Variants in SLC24A2 observed in about 807,000 individuals in gnomAD.
The protein encoded by SLC24A2 is sodium/potassium/calcium exchanger 2.
SLC24A2 carries 36 observed loss-of-function variants against 62.0 expected under a neutral mutation model. The observed-to-expected ratio is 0.58, with a 90% CI of 0.44 to 0.77. SLC24A2 has a LOEUF of 0.77. Among genes scored for constraint, SLC24A2 ranks in the 30% least tolerant of loss-of-function variants. The pLI, the probability that SLC24A2 is intolerant of heterozygous loss-of-function variation, is 0.00. For missense variants in SLC24A2, 846 were observed against 817.9 expected, an observed-to-expected ratio of 1.03 and a Z score of -0.42; for synonymous variants, 358 against 294.0, an observed-to-expected ratio of 1.22 and a Z score of -2.23.
At chr9:20,226,490 G>T in the SLC24A2 span, among the ~76,000 whole-genome samples, 1 of 152,144 alleles carries the variant, frequency 6.6e-6, no homozygotes. Context: ...TAAAACCGTG[G>T]TTCACAACAT....
chr9:20,176,080 C>A, the SLC24A2 span, among the ~76,000 whole-genome samples: 2 of 151,980 alleles, frequency 1.3e-5, no homozygotes, highest in East Asian at 3.9e-4. Context: ...GAAACCGTAA[C>A]AACACTTGGG....
chr9:19,760,968 C>A lies in SLC24A2; in HGVS notation c.930+24969G>T, dbSNP rs540549626. On this transcript the variant is annotated intron_variant, in intron 2 of 10. Coordinates refer to ENST00000341998, the MANE Select transcript of SLC24A2 (RefSeq NM_020344.4). Reference sequence around the variant, plus strand: ...TAGGAGATACACCTCACGTAAACGACAAGTTAAGGAGTGCATCACACCAAC... The same window carrying A: ...TAGGAGATACACCTCACGTAAACGAAAAGTTAAGGAGTGCATCACACCAAC... 2.6e-5 allele frequency among the ~76,000 whole-genome samples: 4 copies of A among 152,080 alleles called. No individual in the cohort carries two copies. In the East Asian group the frequency reaches 7.8e-4, roughly 30 times the overall value.
intron 6 of SLC24A2, 107 bp from the exon 7 acceptor site, chr9:19,573,576 G>A (rs771032294): frequency 2.0e-5 from 17 of 867,062 alleles, no homozygotes; most frequent in African/African-American, 5.0e-5. Flanking sequence ...ATCAATGGGG[G>A]TAAAGAGCAA....
chr9:19,874,774 T>A, the SLC24A2 span, among the ~76,000 whole-genome samples: 2 of 152,216 alleles, frequency 1.3e-5, no homozygotes, highest in African/African-American at 4.8e-5. Context: ...TTATTGATGA[T>A]ATCTTAGCAA....
the SLC24A2 span, among the ~76,000 whole-genome samples, chr9:20,272,496 T>C: frequency 6.6e-6 from 1 of 152,144 alleles, no homozygotes; most frequent in Non-Finnish European, 1.5e-5. Context: ...ACCCTGAAGG[T>C]TGGAAGATTA....
At position 19,515,786 on chromosome 9, in the gene SLC24A2, A is replaced by C. The variant is rs1238272352; in HGVS notation, c.*367T>G. The C allele has an allele frequency of 3.2e-6, 1 of 311,274 alleles. No individual in the cohort carries two copies. The highest frequency in any genetic ancestry group is 6.3e-6 in the Non-Finnish European group (1 of 158,122). The allele number at this position is 311,274 out of a possible 1,614,324, so 19.3% of individuals were successfully genotyped here. The stretch of plus-strand genomic sequence containing the variant: ...GGAGAGGTATAGTACAGGAACAGGC[A>C]GGATTTGTGTGTTCATGTGCGTATA... On this transcript the variant is annotated 3_prime_UTR_variant, in exon 11 of 11. Transcript: ENST00000341998.
the SLC24A2 span, among the ~76,000 whole-genome samples, chr9:20,183,305 T>G: frequency 6.6e-6 from 1 of 152,212 alleles, no homozygotes; most frequent in East Asian, 1.9e-4. Flanking sequence ...TGCCCTATTT[T>G]GTATTATGGA....
chr9:19,802,161 A>G, the SLC24A2 span, among the ~76,000 whole-genome samples: 2 of 152,232 alleles, frequency 1.3e-5, no homozygotes, highest in South Asian at 4.1e-4. Context: ...CACAACATCT[A>G]AGAAATATTT....
At chr9:20,253,709 G>A in the SLC24A2 span, among the ~76,000 whole-genome samples, 6 of 152,180 alleles carry the variant, frequency 3.9e-5, no homozygotes, top group Non-Finnish European at 5.9e-5. Flanking sequence ...ACTGCTGCAC[G>A]TGAGTGATCC....
chr9:19,740,087 C>T (rs893705565), intron 2 of SLC24A2, among the ~76,000 whole-genome samples: 10 of 152,154 alleles, frequency 6.6e-5, no homozygotes, highest in African/African-American at 2.4e-4. Context: ...AAAATACAGA[C>T]AATGCCAAGT....
chr9:19,661,399 C>T (rs925133202), intron 2 of SLC24A2, among the ~76,000 whole-genome samples: 6 of 152,124 alleles, frequency 3.9e-5, no homozygotes, highest in Non-Finnish European at 5.9e-5. Flanking sequence ...AAGTCCCCAG[C>T]ATCATATCCA....
At chr9:20,064,238 G>A in the SLC24A2 span, among the ~76,000 whole-genome samples, 1 of 152,158 alleles carries the variant, frequency 6.6e-6, no homozygotes, top group Non-Finnish European at 1.5e-5. Context: ...CATACTGTAT[G>A]ATTCCATTTA....
the SLC24A2 span, among the ~76,000 whole-genome samples, chr9:20,225,088 C>G: frequency 6.6e-6 from 1 of 152,110 alleles, no homozygotes; most frequent in Non-Finnish European, 1.5e-5. Context: ...CCTCTTTCTT[C>G]CTTACAGGTT....
At chr9:19,792,803 T>C (rs949092033), upstream of SLC24A2, among the ~76,000 whole-genome samples, 6 of 145,504 alleles carry the variant, frequency 4.1e-5, no homozygotes, top group Admixed American at 2.1e-4. Flanking sequence ...TAATCATTTC[T>C]TTCTTCATTC....
intron 2 of SLC24A2, among the ~76,000 whole-genome samples, chr9:19,777,175 C>A (rs1822870608): frequency 6.6e-6 from 1 of 152,206 alleles, no homozygotes; most frequent in Admixed American, 6.5e-5. Flanking sequence ...GTCATCACAG[C>A]TAGCTTTAAA....
At chr9:19,694,079 G>T (rs2118482514) in intron 2 of SLC24A2, among the ~76,000 whole-genome samples, 2 of 142,844 alleles carry the variant, frequency 1.4e-5, no homozygotes, top group East Asian at 3.9e-4. Flanking sequence ...ATTAAAACAT[G>T]GTTAACTAGG....
the SLC24A2 span, among the ~76,000 whole-genome samples, chr9:20,220,648 G>T: frequency 1.3e-5 from 2 of 152,114 alleles, no homozygotes; most frequent in Non-Finnish European, 2.9e-5. Flanking sequence ...GCTTTCACTT[G>T]GGCAGTTGGT....
At chr9:20,187,512 C>T in the SLC24A2 span, among the ~76,000 whole-genome samples, 1 of 152,198 alleles carries the variant, frequency 6.6e-6, no homozygotes, top group South Asian at 2.1e-4. Flanking sequence ...TTCCTCTATT[C>T]TTCAGCTCTC....
the SLC24A2 span, among the ~76,000 whole-genome samples, chr9:20,297,923 C>A: frequency 6.6e-6 from 1 of 152,204 alleles, no homozygotes; most frequent in Non-Finnish European, 1.5e-5. Context: ...TGTTGTGAAT[C>A]ACTGTCAGTT....
Sources: allele counts gnomAD v4.1 joint callset (sites outside exome capture counted in the v4.1 genomes callset), GRCh38; gene constraint gnomAD v4.1.1; transcripts MANE v1.5; gene names NCBI Gene and HGNC (gene_info 2026-07-23, HGNC 2026-07-21).